The following HERC1 variants were observed in gnomAD, a reference collection of about 807,000 sequenced individuals.
HERC1 encodes HECT and RLD domain containing E3 ubiquitin protein ligase family member 1.
HERC1 carries 160 observed loss-of-function variants against 554.3 expected under a neutral mutation model. The observed-to-expected ratio is 0.29, with a 90% CI of 0.25 to 0.33. The LOEUF is 0.33. Ranked by LOEUF, HERC1 falls within the 10% of genes least tolerant of loss-of-function variation. HERC1 has a pLI of 1.00. For synonymous variants in HERC1, 2,175 were observed against 2,131.7 expected (o/e 1.02, Z -0.56); for missense variants, 4,919 against 5,918.5 (o/e 0.83, Z 5.54).
At chr15:63,745,086 G>C (rs146133158) in intron 12 of HERC1, among the ~76,000 whole-genome samples, 1 of 152,304 alleles carries the variant, frequency 6.6e-6, no homozygotes, top group African/African-American at 2.4e-5. Flanking sequence ...TTGCGACTCT[G>C]ACTGGTCCCC....
chr15:63,616,646 G>A lies in HERC1; in HGVS notation c.13725C>T (p.His4575=), dbSNP rs2067831041. The part of the protein sequence containing the change: ...LFNPSACLDE[H]LMQFKFLGIL... ...TTCCTAAAAACTTAAACTGCATTAAGTGTTCATCGAGGCAGGCAGAAGGGT... is the reference window on the plus strand; with the variant it reads ...TTCCTAAAAACTTAAACTGCATTAAATGTTCATCGAGGCAGGCAGAAGGGT... The change falls in exon 75 of 78, where the codon CAC becomes CAT. Residue 4575 remains histidine (H), a synonymous_variant. Coordinates refer to ENST00000443617, the MANE Select transcript of HERC1 (RefSeq NM_003922.4). 4 of 1,613,834 alleles carry A rather than the reference G, an allele frequency of 2.5e-6. No homozygotes were observed. Among genetic ancestry groups the A allele is most frequent in the Non-Finnish European group, 3.4e-6 (4 of 1,179,824 alleles).
chr15:63,617,851 G>T (rs1056616229), intron 74 of HERC1, among the ~76,000 whole-genome samples: 1 of 151,878 alleles, frequency 6.6e-6, no homozygotes, highest in Non-Finnish European at 1.5e-5. Flanking sequence ...CTTTTTGATG[G>T]GGTTGTTTTT....
intron 2 of HERC1, 99 bp downstream of exon 2, chr15:63,774,595 A>C (rs2076063644): frequency 1.2e-6 from 1 of 862,498 alleles, no homozygotes; most frequent in African/African-American, 1.7e-5. Context: ...AATCACCAAA[A>C]GTCTCAAATC....
chr15:63,672,152 T>C (rs1341174137), intron 39 of HERC1, among the ~76,000 whole-genome samples: 1 of 152,018 alleles, frequency 6.6e-6, no homozygotes, highest in Non-Finnish European at 1.5e-5. Context: ...TGGAGGTGAA[T>C]ATTCCAAATA....
At chr15:63,716,246 C>T in intron 22 of HERC1, 56 bp downstream of exon 22, 2 of 1,474,616 alleles carry the variant, frequency 1.4e-6, no homozygotes, top group South Asian at 2.5e-5. Flanking sequence ...AAGTTAGTTC[C>T]CCTATCAAAA....
At position 63,729,830 on chromosome 15, in the gene HERC1, C is replaced by T. The variant is rs148613637; in HGVS notation, c.2869-181G>A. 3.4e-4 allele frequency among the ~76,000 whole-genome samples: 51 copies of T among 151,550 alleles called. 1 individual carries two copies. In the East Asian group the frequency reaches 7.0e-3, roughly 21 times the overall value. The stretch of plus-strand genomic sequence containing the variant: ...CTGAAGTCAGGAGGTTGAGACCAGC[C>T]TGGCCAACATGGTGAAACCCTGGTC... On this transcript the variant is annotated intron_variant, in intron 14 of 77. Coordinates refer to ENST00000443617, the MANE Select transcript of HERC1 (RefSeq NM_003922.4).
chr15:63,706,125 A>C (rs1265488149), intron 25 of HERC1, among the ~76,000 whole-genome samples: 1 of 152,056 alleles, frequency 6.6e-6, no homozygotes, highest in Non-Finnish European at 1.5e-5. Context: ...ACTATCTAAA[A>C]CTGCTGGGTT....
At position 63,622,802 on chromosome 15, in the gene HERC1, C is replaced by T. The variant is rs1314346621; in HGVS notation, c.13688+13G>A. 6.3e-7 allele frequency: 1 copy of T among 1,578,440 alleles called. No homozygotes were observed. The highest frequency in any genetic ancestry group is 8.6e-7 in the Non-Finnish European group (1 of 1,161,376). The stretch of plus-strand genomic sequence containing the variant: ...ATTTTAGACATATAATGAACACTTG[C>T]TGACTGCCATACCTGTCCCTATTGT... On this transcript the variant is annotated intron_variant, in intron 74 of 77. Coordinates refer to ENST00000443617, the MANE Select transcript of HERC1 (RefSeq NM_003922.4).
rs992767853 is a variant in HERC1 at position 63,677,456 on chromosome 15, G to T, written c.7070+389C>A. Among the ~76,000 whole-genome samples, 20 of 152,148 alleles carry T rather than the reference G, an allele frequency of 1.3e-4. No individual in the cohort carries two copies. The highest frequency in any genetic ancestry group is 1.9e-4 in the Non-Finnish European group (13 of 68,036). On this transcript the variant is annotated intron_variant, in intron 37 of 77. Coordinates refer to ENST00000443617, the MANE Select transcript of HERC1 (RefSeq NM_003922.4). The surrounding 1 kb of genome is among the most constrained non-coding windows in gnomAD (Gnocchi z 4.4). ...GTTCATATCCAATATTCAGAGCCTT[G>T]CTACCACAAAATGCAATGAACAGAT...
At position 63,694,941 on chromosome 15, in the gene HERC1, C is replaced by T; in HGVS notation, c.5122-47G>A. 6.5e-7 allele frequency: 1 copy of T among 1,550,140 alleles called. No homozygotes were observed. The highest frequency in any genetic ancestry group is 8.7e-7 in the Non-Finnish European group (1 of 1,143,360). On this transcript the variant is annotated intron_variant, in intron 27 of 77. Coordinates refer to ENST00000443617, the MANE Select transcript of HERC1 (RefSeq NM_003922.4). The surrounding 1 kb of genome is among the most constrained non-coding windows in gnomAD (Gnocchi z 4.3). ...ACTTTTTCTATTAGCAACAATAATACCTGCTTGCAAAAAGAAGTAATAACA... is the reference window on the plus strand; with the variant it reads ...ACTTTTTCTATTAGCAACAATAATATCTGCTTGCAAAAAGAAGTAATAACA...
At position 63,716,329 on chromosome 15, in the gene HERC1, G is replaced by C; in HGVS notation, c.4123C>G (p.Arg1375Gly). 6.2e-7 allele frequency: 1 copy of C among 1,613,530 alleles called. No homozygotes were observed. Residue 1375 changes from arginine (R) to glycine (G), a missense_variant, in exon 22 of 78, where the codon CGG (arginine) becomes GGG (glycine). Coordinates refer to ENST00000443617, the MANE Select transcript of HERC1 (RefSeq NM_003922.4). ...HPEPEDEEEEREHEVMTAGKI... is the reference protein window; with the variant it reads ...HPEPEDEEEEGEHEVMTAGKI... ...CCAGCTGTCATCACTTCATGTTCCC[G>C]TTCCTCCTCTTCATCCTCTGGCTCC...
chr15:63,656,091 T>A lies in HERC1; in HGVS notation c.9867A>T (p.Thr3289=). 2 of 1,612,116 alleles carry A rather than the reference T, an allele frequency of 1.2e-6. No homozygotes were observed. The highest frequency in any genetic ancestry group is 1.7e-6 in the Non-Finnish European group (2 of 1,178,740). ...SAAKLLVQLC[T]QNLISAATGV... ...AAAAGTACTGAAAGTAGCTTACCTG[T>A]GTACACAACTGTACAAGCAGTTTGG... Residue 3289 remains threonine, a synonymous_variant, in exon 49 of 78, where the codon ACA becomes ACT. Coordinates refer to ENST00000443617, the MANE Select transcript of HERC1 (RefSeq NM_003922.4).
At chr15:63,813,913 G>C (rs1466706320) in intron 1 of HERC1, among the ~76,000 whole-genome samples, 1 of 152,088 alleles carries the variant, frequency 6.6e-6, no homozygotes, top group East Asian at 1.9e-4. Flanking sequence ...GCAAAAATTA[G>C]CAGGGCATGG....
At chr15:63,687,232 C>A (rs2071814805) in intron 33 of HERC1, among the ~76,000 whole-genome samples, 1 of 152,146 alleles carries the variant, frequency 6.6e-6, no homozygotes, top group South Asian at 2.1e-4. Context: ...GATATCCCTG[C>A]AAGTTCAGGT....
intron 25 of HERC1, among the ~76,000 whole-genome samples, chr15:63,703,131 G>C (rs1596015539): frequency 6.9e-6 from 1 of 145,100 alleles, no homozygotes; most frequent in South Asian, 2.2e-4. Flanking sequence ...AAAAAAAAGA[G>C]TAAATTTAGC....
At chr15:63,723,129 G>T in intron 19 of HERC1, 53 bp downstream of exon 19, 2 of 1,148,102 alleles carry the variant, frequency 1.7e-6, no homozygotes, top group Non-Finnish European at 1.1e-6. Context: ...ATATATATTT[G>T]CGAGCATTAT....
chr15:63,630,752 C>G, intron 68 of HERC1, 117 bp from the exon 69 acceptor site: 1 of 967,002 alleles, frequency 1.0e-6, no homozygotes, highest in Non-Finnish European at 1.5e-6. Context: ...ACACATATAA[C>G]TCAACTGAGG....
chr15:63,833,336 C>A (rs1482714109), intron 1 of HERC1, among the ~76,000 whole-genome samples: 1 of 152,216 alleles, frequency 6.6e-6, no homozygotes, highest in Non-Finnish European at 1.5e-5. Flanking sequence ...GCCTCCACCC[C>A]GCTAAAGGCG....
chr15:63,739,326 C>T (rs768773476), intron 12 of HERC1, among the ~76,000 whole-genome samples: 2 of 150,388 alleles, frequency 1.3e-5, no homozygotes, highest in African/African-American at 4.9e-5. Flanking sequence ...GCCTCCCAAG[C>T]GGCTAGGACT....
Sources: gnomAD v4.1 joint callset for allele counts (sites outside exome capture counted in the v4.1 genomes callset) on GRCh38, gnomAD v4.1.1 for gene constraint, Gnocchi (gnomAD v3.1) non-coding constraint, MANE v1.5 for transcripts, NCBI Gene and HGNC (gene_info 2026-07-23, HGNC 2026-07-21) for gene names.